TMEM220: variants seen among roughly 807,000 people sequenced by gnomAD.
The protein encoded by TMEM220 is transmembrane protein 220.
Under a neutral mutation model 21.7 loss-of-function variants are expected in TMEM220, and 21 were observed. The ratio of observed to expected loss-of-function variants is 0.97; its 90% CI spans 0.69 to 1.39. The LOEUF (loss-of-function observed/expected upper bound fraction) is 1.39. Among genes scored for constraint, TMEM220 ranks in the 40% most tolerant of loss-of-function variants. The pLI is 0.00. For missense variants in TMEM220, 191 were observed against 201.9 expected, an observed-to-expected ratio of 0.95 and a Z score of 0.33; for synonymous variants, 80 against 73.6, an observed-to-expected ratio of 1.09 and a Z score of -0.45.
chr17:10,712,370 C>T (rs368141), downstream of TMEM220, among the ~76,000 whole-genome samples: 75,783 of 152,134 alleles, frequency 0.5, 19,668 homozygotes, highest in African/African-American at 0.65. Flanking sequence ...TAACCCCCAT[C>T]TCAGGGTGGG....
intron 2 of TMEM220, among the ~76,000 whole-genome samples, chr17:10,728,664 C>T (rs961068507): frequency 4.6e-5 from 7 of 152,276 alleles, no homozygotes; most frequent in African/African-American, 1.4e-4. Context: ...AACCTCAGAA[C>T]TTAAGCCTGT....
chr17:10,712,303 C>G (rs2074859271), downstream of TMEM220, among the ~76,000 whole-genome samples: 1 of 152,180 alleles, frequency 6.6e-6, no homozygotes, highest in African/African-American at 2.4e-5. Context: ...TCTACTTCAG[C>G]CTTCGTCTTG....
rs1203086426 is a variant in TMEM220 at position 10,730,016 on chromosome 17, GA to G, written c.-166del. 1 of 1,218,002 alleles carries G rather than the reference GA, an allele frequency of 8.2e-7. No homozygotes were observed. Among genetic ancestry groups the G allele is most frequent in the African/African-American group, 1.6e-5 (1 of 63,832 alleles). The allele number at this position is 1,218,002 out of a possible 1,614,324, so 75.4% of individuals were successfully genotyped here. A position where few individuals can be genotyped will look rare whatever the true frequency, so the allele number is the denominator to read the frequency against. On this transcript the variant is annotated 5_prime_UTR_variant, in exon 1 of 6. Transcript: ENST00000341871. The stretch of plus-strand genomic sequence containing the variant: ...GGCCGTCGCTCCGCCCGGGGGCGGG[GA>G]GCGAAGGGCGTGGGTGTAGCCCCCA...
intron 1 of TMEM220, 110 bp downstream of exon 1, chr17:10,729,670 A>T: frequency 2.1e-6 from 2 of 952,912 alleles, no homozygotes; most frequent in Non-Finnish European, 2.8e-6. Flanking sequence ...CGTCCTCCCC[A>T]CTAACTGTGC....
chr17:10,729,995 G>A lies in TMEM220; in HGVS notation c.-144C>T, dbSNP rs1192122872. On this transcript the variant is annotated 5_prime_UTR_variant, in exon 1 of 6. It adds an upstream start codon to the 5' untranslated region. Transcript: ENST00000341871. ...GTGCCTTGGGGACACTGCCGTGGCC[G>A]TCGCTCCGCCCGGGGGCGGGGAGCG... The A allele has an allele frequency of 2.0e-5, 22 of 1,079,722 alleles. No homozygotes were observed. 66.9% of individuals were successfully genotyped at this position (1,079,722 alleles called of 1,614,324 possible).
intron 2 of TMEM220, among the ~76,000 whole-genome samples, chr17:10,727,740 C>T (rs756930214): frequency 2.8e-4 from 43 of 152,140 alleles, no homozygotes; most frequent in Non-Finnish European, 4.9e-4. Context: ...ATTCCAGATA[C>T]CATCATCCTT....
At chr17:10,712,881 G>C (rs185589861), downstream of TMEM220, among the ~76,000 whole-genome samples, 3 of 152,346 alleles carry the variant, frequency 2.0e-5, no homozygotes, top group East Asian at 5.8e-4. Flanking sequence ...TTGCCAGATA[G>C]TGTGGAGCCC....
At chr17:10,726,337 G>T in intron 2 of TMEM220, 73 bp from the exon 3 acceptor site, 1 of 1,255,660 alleles carries the variant, frequency 8.0e-7, no homozygotes, top group Non-Finnish European at 1.2e-6. Flanking sequence ...AGAGATACAG[G>T]AAGTAAAGAA....
chr17:10,719,528 G>C (rs62060719), intron 5 of TMEM220, among the ~76,000 whole-genome samples: 21,058 of 152,162 alleles, frequency 0.14, 1,866 homozygotes, highest in Admixed American at 0.25. Flanking sequence ...GCCTCCCAAA[G>C]TGCTGGGATT....
At position 10,726,290 on chromosome 17, in the gene TMEM220, C is replaced by T. The variant is rs765072876; in HGVS notation, c.103-26G>A. On this transcript the variant is annotated intron_variant, in intron 2 of 5. Transcript: ENST00000341871. ...CTGTTAGCAAAAAGGGAGGAAATTA[C>T]ATGAGTTAAGATGTATGCCCAATAT... The T allele has an allele frequency of 2.5e-6, 4 of 1,591,492 alleles. No individual in the cohort carries two copies. In the South Asian group the frequency reaches 4.4e-5, roughly 18 times the overall value.
At chr17:10,729,723 G>T in intron 1 of TMEM220, 57 bp downstream of exon 1, 1 of 1,298,806 alleles carries the variant, frequency 7.7e-7, no homozygotes, top group Non-Finnish European at 9.8e-7. Flanking sequence ...CGGCCCGCTA[G>T]GCCAGGGGGC....
intron 5 of TMEM220, chr17:10,716,585 G>T: frequency 2.0e-6 from 1 of 489,306 alleles, no homozygotes; most frequent in East Asian, 4.9e-5. Flanking sequence ...CCAACACTCT[G>T]TTTTGCTTTT....
At chr17:10,717,730 T>C (rs543341733) in intron 5 of TMEM220, among the ~76,000 whole-genome samples, 27 of 152,352 alleles carry the variant, frequency 1.8e-4, no homozygotes, top group African/African-American at 6.5e-4. Context: ...AAGTTGGTAT[T>C]ATTTTTTTCC....
intron 3 of TMEM220, among the ~76,000 whole-genome samples, chr17:10,725,702 A>G (rs2075041832): frequency 6.6e-6 from 1 of 152,234 alleles, no homozygotes. Context: ...GTCTGAAGCC[A>G]GCACCACCCT....
At chr17:10,726,140 A>T in intron 3 of TMEM220, 64 bp downstream of exon 3, 1 of 1,381,124 alleles carries the variant, frequency 7.2e-7, no homozygotes, top group Non-Finnish European at 1.0e-6. Context: ...TTGGGCAGAT[A>T]GACCCTCATT....
At chr17:10,723,184 T>C (rs756023806) in intron 5 of TMEM220, 86 bp downstream of exon 5, 11 of 1,133,116 alleles carry the variant, frequency 9.7e-6, no homozygotes, top group Non-Finnish European at 1.3e-5. Context: ...TTTGACCATA[T>C]TGGCCAGGAT....
chr17:10,724,740 A>G (rs2075028951), intron 4 of TMEM220, among the ~76,000 whole-genome samples: 2 of 152,176 alleles, frequency 1.3e-5, no homozygotes, highest in Admixed American at 6.6e-5. Context: ...CAAGGGGGCC[A>G]AAGTCCAACG....
At chr17:10,721,608 AAAAAAAAAAAAGAAAAAAAG>A (rs1231521681) in intron 5 of TMEM220, among the ~76,000 whole-genome samples, 4 of 97,608 alleles carry the variant, frequency 4.1e-5, no homozygotes, top group African/African-American at 1.5e-4. Context: ...CTGTCTCAAA[AAAAAAAAAAAAGAAAAAAAG>A]AAAAAAAAGA....
At chr17:10,717,994 G>A (rs1029161738) in intron 5 of TMEM220, among the ~76,000 whole-genome samples, 6 of 151,926 alleles carry the variant, frequency 3.9e-5, no homozygotes, top group African/African-American at 1.5e-4. Flanking sequence ...CTAATTTTTT[G>A]TATTTTTAGT....
Sources: allele counts gnomAD v4.1 joint callset (sites outside exome capture counted in the v4.1 genomes callset), GRCh38; gene constraint gnomAD v4.1.1; transcripts MANE v1.5; gene names NCBI Gene and HGNC (gene_info 2026-07-23, HGNC 2026-07-21).